The following AGBL3 variants were observed in gnomAD, a reference collection of about 807,000 sequenced individuals.
The protein encoded by AGBL3 is cytosolic carboxypeptidase 3.
Under a neutral mutation model 94.5 loss-of-function variants are expected in AGBL3, and 68 were observed. The ratio of observed to expected loss-of-function variants is 0.72; its 90% CI spans 0.59 to 0.88. The LOEUF (loss-of-function observed/expected upper bound fraction) is 0.88. Among genes scored for constraint, AGBL3 ranks in the 40% least tolerant of loss-of-function variants. The pLI is 0.00. For synonymous variants in AGBL3, 354 were observed against 370.7 expected (o/e 0.95, Z 0.52); for missense variants, 934 against 1,103.8 (o/e 0.85, Z 2.18).
chr7:135,046,256 C>T (rs928650782), intron 11 of AGBL3, among the ~76,000 whole-genome samples: 1 of 152,028 alleles, frequency 6.6e-6, no homozygotes, highest in Non-Finnish European at 1.5e-5. Context: ...AGGGGAAGTA[C>T]GGAGAGTTCC....
chr7:135,014,386 T>C (rs1813528053), intron 4 of AGBL3, among the ~76,000 whole-genome samples: 1 of 152,162 alleles, frequency 6.6e-6, no homozygotes. Flanking sequence ...GAAGGTGTTT[T>C]CTGGGATTTT....
chr7:135,118,660 G>GA (rs1195931366), intron 16 of AGBL3, among the ~76,000 whole-genome samples: 1 of 152,048 alleles, frequency 6.6e-6, no homozygotes, highest in Non-Finnish European at 1.5e-5. Context: ...ATCTAAAACT[G>GA]AAAAAAGACA....
intron 8 of AGBL3, among the ~76,000 whole-genome samples, chr7:135,038,251 G>A (rs1207802354): frequency 8.5e-6 from 1 of 117,248 alleles, no homozygotes; most frequent in African/African-American, 2.9e-5. Flanking sequence ...TTGTCTTTTG[G>A]GGATAATTGG....
At chr7:135,110,547 C>A (rs932345146) in intron 15 of AGBL3, among the ~76,000 whole-genome samples, 3 of 152,144 alleles carry the variant, frequency 2.0e-5, no homozygotes, top group African/African-American at 7.2e-5. Flanking sequence ...AAGCGTGGGT[C>A]CCCATCATCA....
intron 2 of AGBL3, chr7:134,988,228 A>T: frequency 2.9e-6 from 1 of 349,966 alleles, no homozygotes; most frequent in Non-Finnish European, 5.2e-6. Flanking sequence ...ATTTTAGCTA[A>T]GATTCTTCTA....
At chr7:135,004,807 G>A (rs190672862) in intron 4 of AGBL3, among the ~76,000 whole-genome samples, 1 of 151,202 alleles carries the variant, frequency 6.6e-6, no homozygotes, top group Admixed American at 6.6e-5. Flanking sequence ...TGAGTATGTT[G>A]GTAGGCTTTA....
At chr7:135,050,651 T>C (rs1479606251) in intron 11 of AGBL3, among the ~76,000 whole-genome samples, 1 of 152,040 alleles carries the variant, frequency 6.6e-6, no homozygotes, top group Non-Finnish European at 1.5e-5. Flanking sequence ...GACCCTTTTA[T>C]CATTACATAA....
intron 4 of AGBL3, among the ~76,000 whole-genome samples, chr7:135,007,265 T>C (rs1242530563): frequency 1.6e-4 from 24 of 151,902 alleles, no homozygotes; most frequent in Admixed American, 1.5e-3. Context: ...ATATATATTA[T>C]GAATATAGAT....
At chr7:135,125,674 C>T (rs954219410) in intron 16 of AGBL3, among the ~76,000 whole-genome samples, 1 of 152,174 alleles carries the variant, frequency 6.6e-6, no homozygotes, top group Non-Finnish European at 1.5e-5. Context: ...AATCCAGCAG[C>T]ATATCAAAAA....
chr7:135,049,589 C>T (rs1284918165), intron 11 of AGBL3, among the ~76,000 whole-genome samples: 1 of 151,938 alleles, frequency 6.6e-6, no homozygotes, highest in Non-Finnish European at 1.5e-5. Context: ...ATTAAATCTC[C>T]ATAATAGTTA....
rs556226755 is a variant in AGBL3 at position 135,107,698 on chromosome 7, T to C, written c.2111-7682T>C. 9.1e-4 allele frequency among the ~76,000 whole-genome samples: 139 copies of C among 152,348 alleles called. 1 individual carries two copies. Among genetic ancestry groups the C allele is most frequent in the African/African-American group, 3.2e-3 (131 of 41,586 alleles). On this transcript the variant is annotated intron_variant, in intron 15 of 16. Coordinates refer to ENST00000436302, the MANE Select transcript of AGBL3 (RefSeq NM_178563.4). ...GAGAAGAATGTATATTCTGTTGATT[T>C]AGGATGGAGAGTTCTGTAGATGTCT...
chr7:135,084,429 A>G (rs1481155100), intron 15 of AGBL3, among the ~76,000 whole-genome samples: 1 of 152,122 alleles, frequency 6.6e-6, no homozygotes, highest in Non-Finnish European at 1.5e-5. Context: ...ATGGAACACT[A>G]GTCCCTATTC....
intron 14 of AGBL3, 78 bp from the exon 15 acceptor site, chr7:135,081,641 T>G: frequency 9.8e-7 from 1 of 1,023,340 alleles, no homozygotes; most frequent in Non-Finnish European, 1.4e-6. Flanking sequence ...ATTTTCCACT[T>G]TGAAAAAAGA....
intron 8 of AGBL3, among the ~76,000 whole-genome samples, chr7:135,043,181 A>G (rs549639810): frequency 6.6e-6 from 1 of 152,284 alleles, no homozygotes; most frequent in South Asian, 2.1e-4. Context: ...GAATTAATCA[A>G]CTTTTGGAAG....
At chr7:135,103,279 A>C (rs989213161) in intron 15 of AGBL3, among the ~76,000 whole-genome samples, 2 of 152,156 alleles carry the variant, frequency 1.3e-5, no homozygotes, top group African/African-American at 4.8e-5. Flanking sequence ...AAAGAAATCA[A>C]ATTATTGAAG....
At chr7:135,064,986 G>T (rs1213114873) in intron 12 of AGBL3, among the ~76,000 whole-genome samples, 1 of 152,050 alleles carries the variant, frequency 6.6e-6, no homozygotes, top group Admixed American at 6.5e-5. Context: ...GCCTTTTCTT[G>T]GTTGGTTCCA....
intron 3 of AGBL3, 94 bp from the exon 4 acceptor site, chr7:134,993,399 T>C (rs1439809396): frequency 3.0e-6 from 3 of 991,752 alleles, no homozygotes; most frequent in Non-Finnish European, 4.3e-6. Context: ...ACACATTGAA[T>C]AGTGTTGAAA....
intron 14 of AGBL3, among the ~76,000 whole-genome samples, chr7:135,081,263 C>T (rs1820903087): frequency 6.6e-6 from 1 of 152,100 alleles, no homozygotes; most frequent in South Asian, 2.1e-4. Flanking sequence ...TATCCACATA[C>T]ACACCATGTT....
chr7:134,987,532 A>G (rs998285396), intron 1 of AGBL3, among the ~76,000 whole-genome samples: 6 of 152,236 alleles, frequency 3.9e-5, no homozygotes, highest in African/African-American at 7.2e-5. Context: ...GTAAGTGACT[A>G]TAATTTTTAA....
Sources: allele counts gnomAD v4.1 joint callset (sites outside exome capture counted in the v4.1 genomes callset), GRCh38; gene constraint gnomAD v4.1.1; transcripts MANE v1.5; gene names NCBI Gene and HGNC (gene_info 2026-07-23, HGNC 2026-07-21).